Variants in RORA observed in about 807,000 individuals in gnomAD.
RORA encodes the protein RAR related orphan receptor A.
RORA carries 7 observed loss-of-function variants against 69.5 expected under a neutral mutation model. The ratio of observed to expected loss-of-function variants is 0.10; its 90% CI spans 0.06 to 0.19. The LOEUF (loss-of-function observed/expected upper bound fraction) is 0.19. Ranked by LOEUF, RORA falls within the 10% of genes least tolerant of loss-of-function variation. The pLI is 1.00. For missense variants in RORA, 457 were observed against 663.0 expected (o/e 0.69, Z 3.41); for synonymous variants, 261 against 240.8 (o/e 1.08, Z -0.78).
At chr15:61,200,471 A>G (rs142865062) in intron 1 of RORA, among the ~76,000 whole-genome samples, 2 of 152,328 alleles carry the variant, frequency 1.3e-5, no homozygotes, top group East Asian at 3.9e-4. Context: ...AAACTGCAGG[A>G]GATACCAAAT....
In RORA at chr15:61,176,822, T is replaced by C. The variant is rs188347062; in HGVS notation, c.166+52231A>G. Among the ~76,000 whole-genome samples the C allele has an allele frequency of 6.4e-3, 981 of 152,326 alleles. 7 individuals are homozygous for C. The highest frequency in any genetic ancestry group is 0.01 in the Non-Finnish European group (695 of 68,028). ...ATTTAGTAAAAATGACTACTATTAT[T>C]ATTGTTGTTAAAATTACGGCATTTA... On this transcript the variant is annotated intron_variant, in intron 1 of 10. Transcript: ENST00000335670.
chr15:61,103,773 T>C (rs2078913658), intron 1 of RORA, among the ~76,000 whole-genome samples: 1 of 152,124 alleles, frequency 6.6e-6, no homozygotes, highest in Non-Finnish European at 1.5e-5. Context: ...CCAGGATCAT[T>C]TGCATGTAGG....
intron 1 of RORA, among the ~76,000 whole-genome samples, chr15:61,013,779 CTTTTTTTTT>C (rs3053960): frequency 4.2e-5 from 3 of 70,934 alleles, no homozygotes; most frequent in African/African-American, 1.7e-4. Flanking sequence ...ACTGGGTTGG[CTTTTTTTTT>C]TTTTTTTTTT....
chr15:60,979,267 GC>G (rs1893963652), intron 1 of RORA, among the ~76,000 whole-genome samples: 1 of 35,388 alleles, frequency 2.8e-5, no homozygotes, highest in African/African-American at 9.1e-5. Context: ...CCTAGCCCTT[GC>G]TTTTTTTTTT....
intron 1 of RORA, among the ~76,000 whole-genome samples, chr15:60,892,953 A>G (rs560627529): frequency 2.6e-5 from 4 of 152,360 alleles, no homozygotes; most frequent in African/African-American, 9.6e-5. Flanking sequence ...TGAGAAACAC[A>G]TAACATTTGC....
Position 61,055,817 on chromosome 15 carries a change from A to C in RORA, c.166+173236T>G, listed in dbSNP as rs873960. Among the ~76,000 whole-genome samples, 464 of 152,334 alleles carry C rather than the reference A, an allele frequency of 3.0e-3. 3 individuals are homozygous for C. Among genetic ancestry groups the C allele is most frequent in the African/African-American group, 0.011 (447 of 41,574 alleles). The stretch of plus-strand genomic sequence containing the variant: ...TTAGGATTTGAGACACGTTTTCAGA[A>C]AAGTGCCTTTAAATAATTAACGTCA... On this transcript the variant is annotated intron_variant, in intron 1 of 10. Coordinates refer to ENST00000335670, the MANE Select transcript of RORA (RefSeq NM_134261.3).
intron 1 of RORA, among the ~76,000 whole-genome samples, chr15:60,852,247 G>C (rs2073334598): frequency 6.6e-6 from 1 of 152,212 alleles, no homozygotes; most frequent in South Asian, 2.1e-4. Context: ...GGGTAAGGTA[G>C]TCCATGTTTG....
intron 2 of RORA, among the ~76,000 whole-genome samples, chr15:60,628,977 A>G (rs2069662302): frequency 6.6e-6 from 1 of 152,068 alleles, no homozygotes; most frequent in African/African-American, 2.4e-5. Context: ...CTGAGCTAGG[A>G]TCTGCTCACA....
intron 1 of RORA, among the ~76,000 whole-genome samples, chr15:60,728,857 T>C (rs1440679883): frequency 2.0e-5 from 3 of 152,196 alleles, no homozygotes; most frequent in Non-Finnish European, 2.9e-5. Flanking sequence ...CGAAAAGTAC[T>C]ATAAGAAAGG....
Position 60,489,771 on chromosome 15 carries a change from T to C in RORA, c.*7684A>G, listed in dbSNP as rs1272963163. The C allele has an allele frequency of 6.6e-6, 1 of 152,140 alleles. No homozygotes were observed. Among genetic ancestry groups the C allele is most frequent in the Non-Finnish European group, 1.5e-5 (1 of 68,024 alleles). 9.4% of individuals were successfully genotyped at this position (152,140 alleles called of 1,614,324 possible). On this transcript the variant is annotated 3_prime_UTR_variant, in exon 11 of 11. Transcript: ENST00000335670. ...CTGCCATCAAGCCATCTAGGATATT[T>C]TATGTAAATGCCCATTATCTATAAT...
At chr15:60,862,523 T>A (rs532124503) in intron 1 of RORA, among the ~76,000 whole-genome samples, 7 of 152,164 alleles carry the variant, frequency 4.6e-5, no homozygotes, top group Non-Finnish European at 7.3e-5. Context: ...TGTAGAAAAG[T>A]GTTGAAAGCA....
At chr15:61,137,019 AAAAGAAAG>A (rs551072168) in intron 1 of RORA, among the ~76,000 whole-genome samples, 8,761 of 61,072 alleles carry the variant, frequency 0.14, 749 homozygotes, top group Non-Finnish European at 0.16. Flanking sequence ...AAATAAATAA[AAAAGAAAG>A]AAAGAAAGAA....
chr15:60,948,770 T>C (rs1892985483), intron 1 of RORA, among the ~76,000 whole-genome samples: 1 of 152,202 alleles, frequency 6.6e-6, no homozygotes. Flanking sequence ...AAATATAAGA[T>C]ACGGTCCTAT....
chr15:61,013,325 C>G (rs573330364), intron 1 of RORA, among the ~76,000 whole-genome samples: 1 of 152,164 alleles, frequency 6.6e-6, no homozygotes, highest in African/African-American at 2.4e-5. Context: ...GCTTTTGTTG[C>G]GGAGTTGTGA....
At chr15:60,720,090 C>G (rs924373093) in intron 1 of RORA, among the ~76,000 whole-genome samples, 6 of 152,086 alleles carry the variant, frequency 3.9e-5, no homozygotes, top group Admixed American at 6.5e-5. Context: ...AAGCACTAAA[C>G]AGGAAGCAGG....
chr15:60,638,054 C>T (rs565539512), intron 2 of RORA, among the ~76,000 whole-genome samples: 1 of 152,106 alleles, frequency 6.6e-6, no homozygotes, highest in African/African-American at 2.4e-5. Context: ...TTTGTAGAAA[C>T]AGTAATATAA....
intron 1 of RORA, among the ~76,000 whole-genome samples, chr15:60,859,369 A>G (rs927086675): frequency 6.6e-6 from 1 of 151,926 alleles, no homozygotes; most frequent in Admixed American, 6.6e-5. Context: ...GCTTAGCAGC[A>G]TCAGCCTCAC....
At chr15:60,732,166 T>C (rs539723979) in intron 1 of RORA, among the ~76,000 whole-genome samples, 94 of 152,364 alleles carry the variant, frequency 6.2e-4, no homozygotes, top group Non-Finnish European at 1.0e-3. Flanking sequence ...CATTTCTGCA[T>C]ATACACCCCC....
At chr15:61,022,592 T>G (rs971499672) in intron 1 of RORA, among the ~76,000 whole-genome samples, 1 of 152,202 alleles carries the variant, frequency 6.6e-6, no homozygotes, top group South Asian at 2.1e-4. Flanking sequence ...GATGGGGTCA[T>G]ATTCAGAGCC....
Sources: gnomAD v4.1 joint callset for allele counts (sites outside exome capture counted in the v4.1 genomes callset) on GRCh38, gnomAD v4.1.1 for gene constraint, MANE v1.5 for transcripts, NCBI Gene and HGNC (gene_info 2026-07-23, HGNC 2026-07-21) for gene names.